The following CFAP54 variants were observed in gnomAD, a reference collection of about 807,000 sequenced individuals.
CFAP54 encodes the protein cilia and flagella associated protein 54, also known as cilia- and flagella-associated protein 54.
CFAP54 carries 290 observed loss-of-function variants against 370.4 expected under a neutral mutation model. The ratio of observed to expected loss-of-function variants is 0.78; its 90% CI spans 0.71 to 0.86. The LOEUF is 0.86. Among genes scored for constraint, CFAP54 ranks in the 40% least tolerant of loss-of-function variants. CFAP54 has a pLI of 0.00. For missense variants in CFAP54, 3,399 were observed against 3,528.7 expected (o/e 0.96, Z 0.93); for synonymous variants, 1,206 against 1,236.5 (o/e 0.98, Z 0.52).
intron 19 of CFAP54, among the ~76,000 whole-genome samples, chr12:96,568,738 A>G (rs1955885624): frequency 6.6e-6 from 1 of 152,134 alleles, no homozygotes; most frequent in Non-Finnish European, 1.5e-5. Context: ...ACTCTTAAAT[A>G]ATTCATATCC....
rs1565934180 is a variant in CFAP54 at position 96,664,705 on chromosome 12, A to ATATATATC, written c.5563+780_5563+781insCTATATAT. Among the ~76,000 whole-genome samples, 47 of 21,842 alleles carry ATATATATC rather than the reference A, an allele frequency of 2.2e-3. 4 individuals carry two copies. The South Asian group carries it at 0.038, about 18-fold the overall frequency. The allele number at this position is 21,842 out of a possible 152,430, so 14.3% of individuals were successfully genotyped here. A position where few individuals can be genotyped will look rare whatever the true frequency, so the allele number is the denominator to read the frequency against. ...TTCCTTTGGGTATATATCTATATAT[A>ATATATATC]TATATATATCTATATATATCTATAT... On this transcript the variant is annotated intron_variant, in intron 39 of 67. Transcript: ENST00000524981.
intron 17 of CFAP54, 36 bp from the exon 18 acceptor site, chr12:96,564,432 A>G (rs760802595): frequency 3.0e-6 from 2 of 677,322 alleles, no homozygotes; most frequent in East Asian, 2.7e-5. Flanking sequence ...TCTTGGATAC[A>G]TACTTAATTG....
At chr12:96,847,613 T>C (rs1959397148) in intron 66 of CFAP54, among the ~76,000 whole-genome samples, 1 of 152,246 alleles carries the variant, frequency 6.6e-6, no homozygotes, top group Non-Finnish European at 1.5e-5. Flanking sequence ...AAATTGATTT[T>C]TAAACATATA....
intron 22 of CFAP54, among the ~76,000 whole-genome samples, chr12:96,584,638 G>GT (rs34715946): frequency 0.42 from 61,690 of 148,090 alleles, 13,145 homozygotes; most frequent in Admixed American, 0.5. Context: ...TTTGAAATAT[G>GT]TTTTTTTTTT....
intron 17 of CFAP54, among the ~76,000 whole-genome samples, chr12:96,561,748 T>C (rs1484856774): frequency 2.8e-4 from 39 of 139,802 alleles, no homozygotes; most frequent in African/African-American, 4.1e-4. Flanking sequence ...CACACACACA[T>C]GTATATATAT....
intron 3 of CFAP54, among the ~76,000 whole-genome samples, chr12:96,506,051 C>G (rs1955096187): frequency 6.6e-6 from 1 of 152,038 alleles, no homozygotes; most frequent in South Asian, 2.1e-4. Context: ...ACAATTGATT[C>G]AATTCTGGCC....
intron 2 of CFAP54, among the ~76,000 whole-genome samples, 169 bp from the exon 3 acceptor site, chr12:96,503,717 G>T (rs1054584770): frequency 6.6e-6 from 1 of 152,142 alleles, no homozygotes; most frequent in Non-Finnish European, 1.5e-5. Flanking sequence ...CACATACATT[G>T]TATAGTGCAG....
intron 14 of CFAP54, among the ~76,000 whole-genome samples, chr12:96,543,405 A>C (rs1252662846): frequency 1.3e-5 from 2 of 152,204 alleles, no homozygotes; most frequent in Non-Finnish European, 2.9e-5. Context: ...CCCATACAGA[A>C]CAAATACAAT....
intron 62 of CFAP54, among the ~76,000 whole-genome samples, chr12:96,791,760 G>A (rs1054008316): frequency 6.6e-6 from 1 of 152,140 alleles, no homozygotes; most frequent in Non-Finnish European, 1.5e-5. Context: ...ATGTTGGCAT[G>A]GGCGTTTTCC....
chr12:96,586,418 G>A (rs1043770974), intron 22 of CFAP54, among the ~76,000 whole-genome samples: 1 of 152,136 alleles, frequency 6.6e-6, no homozygotes, highest in Non-Finnish European at 1.5e-5. Context: ...ACCAAGTGGA[G>A]TATGTAAAAC....
intron 9 of CFAP54, among the ~76,000 whole-genome samples, chr12:96,532,472 T>G (rs569655381): frequency 1.1e-4 from 17 of 152,288 alleles, no homozygotes. Flanking sequence ...TAGATAAGAA[T>G]TTCCTTGACT....
intron 67 of CFAP54, among the ~76,000 whole-genome samples, chr12:96,870,636 G>T (rs1252606933): frequency 3.3e-5 from 5 of 152,140 alleles, no homozygotes; most frequent in African/African-American, 1.2e-4. Context: ...GGGGAAGTTC[G>T]TTTCTGTCTA....
chr12:96,792,279 T>A lies in CFAP54; in HGVS notation c.8680-50T>A, dbSNP rs986483813. 5.1e-6 allele frequency: 7 copies of A among 1,383,984 alleles called. No homozygotes were observed. In the East Asian group the frequency reaches 1.0e-4, roughly 21 times the overall value. The allele number at this position is 1,383,984 out of a possible 1,614,324, so 85.7% of individuals were successfully genotyped here. ...AGCCAAATAATTTGTTTCATATATG[T>A]AACAAATTTATTACCAGTAATTAAA... On this transcript the variant is annotated intron_variant, in intron 62 of 67. Coordinates refer to ENST00000524981, the MANE Select transcript of CFAP54 (RefSeq NM_001306084.2).
chr12:96,738,906 G>A (rs940467986), intron 50 of CFAP54, among the ~76,000 whole-genome samples: 3 of 152,220 alleles, frequency 2.0e-5, no homozygotes, highest in East Asian at 1.9e-4. Context: ...CACTGCACCC[G>A]GCCCAAATCT....
chr12:96,737,655 A>G (rs1248694349), intron 50 of CFAP54, among the ~76,000 whole-genome samples: 1 of 151,696 alleles, frequency 6.6e-6, no homozygotes, highest in Non-Finnish European at 1.5e-5. Flanking sequence ...CTACCCAGCT[A>G]ATTTCTGTAT....
intron 19 of CFAP54, among the ~76,000 whole-genome samples, chr12:96,575,237 T>C (rs536347102): frequency 3.9e-5 from 6 of 152,242 alleles, no homozygotes; most frequent in African/African-American, 1.4e-4. Context: ...TATTATTGAG[T>C]TATAAAAATT....
intron 23 of CFAP54, among the ~76,000 whole-genome samples, chr12:96,591,884 C>A (rs1956128501): frequency 2.0e-5 from 3 of 146,694 alleles, no homozygotes. Flanking sequence ...GAGCGAAACT[C>A]CGTCTCAAAA....
At chr12:96,690,218 A>G (rs1179686551) in intron 43 of CFAP54, among the ~76,000 whole-genome samples, 2 of 152,254 alleles carry the variant, frequency 1.3e-5, no homozygotes, top group East Asian at 3.8e-4. Flanking sequence ...GATTTATTTT[A>G]AAAGCCTATT....
intron 1 of CFAP54, among the ~76,000 whole-genome samples, chr12:96,496,153 T>G (rs1286767715): frequency 6.6e-6 from 1 of 152,234 alleles, no homozygotes; most frequent in African/African-American, 2.4e-5. Flanking sequence ...AATATATTAT[T>G]AATCAGTTTG....
Sources: gnomAD v4.1 joint callset for allele counts (sites outside exome capture counted in the v4.1 genomes callset) on GRCh38, gnomAD v4.1.1 for gene constraint, MANE v1.5 for transcripts, NCBI Gene and HGNC (gene_info 2026-07-23, HGNC 2026-07-21) for gene names.